Variants in CCDC7 observed in about 807,000 individuals in gnomAD.
CCDC7 encodes the protein coiled-coil domain-containing protein 7.
In CCDC7, 183 loss-of-function variants were observed where a neutral mutation model predicts 196.9. The ratio of observed to expected loss-of-function variants is 0.93; its 90% CI spans 0.82 to 1.05. The LOEUF (loss-of-function observed/expected upper bound fraction) is 1.05. Ranked by LOEUF, CCDC7 falls within the 50% of genes least tolerant of loss-of-function variation. CCDC7 has a pLI of 0.00. For missense variants in CCDC7, 1,540 were observed against 1,482.2 expected (o/e 1.04, Z -0.64); for synonymous variants, 525 against 484.6 (o/e 1.08, Z -1.10).
rs1458562720 is a variant in CCDC7, at chr10:32,847,200, G to A, written c.3689-633G>A. Reference sequence around the variant, plus strand: ...TTTAGTACAATAGCCCAGTCACATCGCTATGCAAATAAATAAGGAGAGAAC... The same window carrying A: ...TTTAGTACAATAGCCCAGTCACATCACTATGCAAATAAATAAGGAGAGAAC... On this transcript the variant is annotated intron_variant, in intron 37 of 41. Coordinates refer to ENST00000639629, the Ensembl canonical transcript of CCDC7. 2.6e-5 allele frequency among the ~76,000 whole-genome samples: 4 copies of A among 152,106 alleles called. No homozygotes were observed. The East Asian group carries it at 5.8e-4, about 22-fold the overall frequency.
chr10:32,586,165 A>G (rs1187359411), intron 18 of CCDC7, among the ~76,000 whole-genome samples: 8 of 152,162 alleles, frequency 5.3e-5, no homozygotes, highest in Non-Finnish European at 5.9e-5. Flanking sequence ...GGCCGCATAA[A>G]TGTCTTCTTT....
chr10:32,850,915 CA>C (rs2093540111), intron 39 of CCDC7, among the ~76,000 whole-genome samples: 1 of 151,790 alleles, frequency 6.6e-6, no homozygotes, highest in South Asian at 2.1e-4. Context: ...ATATGGCAGT[CA>C]ATAATCCATA....
At chr10:32,630,904 T>A (rs1261219160) in intron 18 of CCDC7, among the ~76,000 whole-genome samples, 2 of 152,174 alleles carry the variant, frequency 1.3e-5, no homozygotes, top group Non-Finnish European at 2.9e-5. Flanking sequence ...TTAGCTGGCT[T>A]ATATTCATTT....
chr10:32,473,977 A>C (rs778986372), exon 8 of CCDC7: 1 of 1,609,824 alleles, frequency 6.2e-7, no homozygotes, highest in Non-Finnish European at 8.5e-7. Flanking sequence ...AATTCTTAGA[A>C]GCCCACTCAA....
At position 32,511,254 on chromosome 10, in the gene CCDC7, T is replaced by TGGGGGGTG. The variant is rs1167793491; in HGVS notation, c.873-6685_873-6684insTGGGGGGG. On this transcript the variant is annotated intron_variant, in intron 9 of 41. Coordinates refer to ENST00000639629, the Ensembl canonical transcript of CCDC7. Reference sequence around the variant, plus strand: ...CTTGTCCTGCCACAGAATTATTCTGTGGGGGGCGGGGGGGGCGGGGAAATG... The same window carrying TGGGGGGTG: ...CTTGTCCTGCCACAGAATTATTCTGTGGGGGGTGGGGGGGCGGGGGGGGCGGGGAAATG... 1.7e-5 allele frequency: 10 copies of TGGGGGGTG among 594,034 alleles called. No individual in the cohort carries two copies. The African/African-American group carries it at 5.5e-4, about 33-fold the overall frequency. 36.8% of individuals were successfully genotyped at this position (594,034 alleles called of 1,614,324 possible).
chr10:32,711,335 G>T (rs527705307), intron 24 of CCDC7, among the ~76,000 whole-genome samples: 152 of 151,874 alleles, frequency 1.0e-3, no homozygotes, highest in African/African-American at 3.5e-3. Context: ...TTCATTGTTT[G>T]GTCTATGATT....
At chr10:32,491,153 C>T (rs1398773741) in intron 8 of CCDC7, among the ~76,000 whole-genome samples, 1 of 152,052 alleles carries the variant, frequency 6.6e-6, no homozygotes, top group African/African-American at 2.4e-5. Flanking sequence ...CTTCTCAGCT[C>T]CTAAATATTT....
At chr10:32,493,465 T>G (rs2042445383) in intron 9 of CCDC7, among the ~76,000 whole-genome samples, 1 of 151,630 alleles carries the variant, frequency 6.6e-6, no homozygotes, top group African/African-American at 2.4e-5. Flanking sequence ...GATTCCATAT[T>G]GTAGTTATTG....
At chr10:32,571,158 G>A (rs1315953287) in intron 15 of CCDC7, among the ~76,000 whole-genome samples, 1 of 151,866 alleles carries the variant, frequency 6.6e-6, no homozygotes, top group South Asian at 2.1e-4. Context: ...ACAGGCGCCC[G>A]CCACCATGCC....
intron 30 of CCDC7, among the ~76,000 whole-genome samples, chr10:32,806,083 GC>G (rs1431909175): frequency 1.1e-4 from 17 of 152,162 alleles, no homozygotes; most frequent in African/African-American, 4.1e-4. Flanking sequence ...AGAAGGATCT[GC>G]CCTTGTGACA....
At chr10:32,708,706 A>C (rs1236668923) in intron 24 of CCDC7, among the ~76,000 whole-genome samples, 1 of 152,260 alleles carries the variant, frequency 6.6e-6, no homozygotes, top group Non-Finnish European at 1.5e-5. Context: ...TGCAGCCAAA[A>C]AACACATGAA....
In CCDC7 at chr10:32,621,307, C is replaced by G. The variant is rs145833985; in HGVS notation, c.1802-12947C>G. On this transcript the variant is annotated intron_variant, in intron 18 of 41. Transcript: ENST00000639629. The stretch of plus-strand genomic sequence containing the variant: ...TCTCTTCTTTATACCACAAAGAAAA[C>G]TTCTGTTTTCAAAGACTTTTTTGTT... 5.9e-3 allele frequency among the ~76,000 whole-genome samples: 905 copies of G among 152,204 alleles called. 9 individuals carry two copies. Among genetic ancestry groups the G allele is most frequent in the African/African-American group, 0.021 (863 of 41,534 alleles).
intron 24 of CCDC7, among the ~76,000 whole-genome samples, chr10:32,700,998 C>T (rs1466057764): frequency 6.6e-6 from 1 of 152,182 alleles, no homozygotes; most frequent in East Asian, 1.9e-4. Flanking sequence ...ATGTCATCTG[C>T]AAACAGGGAC....
At chr10:32,830,357 T>C (rs369635460) in intron 32 of CCDC7, among the ~76,000 whole-genome samples, 2 of 150,742 alleles carry the variant, frequency 1.3e-5, no homozygotes, top group African/African-American at 4.9e-5. Flanking sequence ...AAAAGCCCAA[T>C]TTTAGCAAAA....
intron 18 of CCDC7, among the ~76,000 whole-genome samples, chr10:32,624,885 A>G (rs778752121): frequency 6.9e-6 from 1 of 145,802 alleles, no homozygotes; most frequent in Admixed American, 6.9e-5. Flanking sequence ...TGAGTTCATT[A>G]TATTTTGTTT....
intron 21 of CCDC7, among the ~76,000 whole-genome samples, chr10:32,680,923 A>C (rs367876095): frequency 6.6e-6 from 1 of 152,318 alleles, no homozygotes; most frequent in African/African-American, 2.4e-5. Context: ...TCATTTAAAG[A>C]TTCACTGGAA....
At chr10:32,757,665 T>C (rs912161901) in intron 28 of CCDC7, among the ~76,000 whole-genome samples, 27 of 152,056 alleles carry the variant, frequency 1.8e-4, no homozygotes, top group African/African-American at 5.8e-4. Context: ...GATCTAAAAT[T>C]GACACTCTAA....
intron 5 of CCDC7, among the ~76,000 whole-genome samples, chr10:32,463,405 G>A (rs937645990): frequency 6.6e-6 from 1 of 152,118 alleles, no homozygotes; most frequent in African/African-American, 2.4e-5. Flanking sequence ...CATGCTAAAT[G>A]ATTATGTATG....
intron 18 of CCDC7, among the ~76,000 whole-genome samples, chr10:32,622,727 T>C (rs1426098293): frequency 6.6e-6 from 1 of 151,942 alleles, no homozygotes; most frequent in Non-Finnish European, 1.5e-5. Flanking sequence ...GAAAGAAAAA[T>C]GTAATTGAGC....
Sources: allele counts gnomAD v4.1 joint callset (sites outside exome capture counted in the v4.1 genomes callset), GRCh38; gene constraint gnomAD v4.1.1; transcripts MANE v1.5; gene names NCBI Gene and HGNC (gene_info 2026-07-23, HGNC 2026-07-21).